SOX5: variants seen among roughly 807,000 people sequenced by gnomAD.
The protein encoded by SOX5 is transcription factor SOX-5.
SOX5 carries 9 observed loss-of-function variants against 92.0 expected under a neutral mutation model. The ratio of observed to expected loss-of-function variants is 0.10; its 90% confidence interval spans 0.06 to 0.17. The LOEUF (loss-of-function observed/expected upper bound fraction) is 0.17, where lower values mean the gene tolerates loss of function less well. SOX5 is among the 10% of genes least tolerant of loss of function. SOX5 has a pLI of 1.00. For missense variants in SOX5, 642 were observed against 944.5 expected (o/e 0.68, Z 4.20); for synonymous variants, 344 against 336.3 (o/e 1.02, Z -0.25).
chr12:24,517,378 A>G (rs1013398197), intron 1 of SOX5, among the ~76,000 whole-genome samples: 1 of 152,188 alleles, frequency 6.6e-6, no homozygotes, highest in South Asian at 2.1e-4. Flanking sequence ...CCACATCAAG[A>G]GGCACAGAGT....
intron 1 of SOX5, among the ~76,000 whole-genome samples, chr12:24,398,437 G>C (rs1960625033): frequency 6.6e-6 from 1 of 152,168 alleles, no homozygotes; most frequent in African/African-American, 2.4e-5. Context: ...CCAGGAGGCT[G>C]AGGCTACAGT....
At chr12:23,571,742 T>C (rs1378506382) in intron 10 of SOX5, among the ~76,000 whole-genome samples, 1 of 152,232 alleles carries the variant, frequency 6.6e-6, no homozygotes, top group Non-Finnish European at 1.5e-5. Flanking sequence ...TATAGAATCA[T>C]AGAACTGTCT....
At chr12:23,690,013 T>C (rs1437354111) in intron 6 of SOX5, among the ~76,000 whole-genome samples, 2 of 152,218 alleles carry the variant, frequency 1.3e-5, no homozygotes, top group African/African-American at 2.4e-5. Flanking sequence ...CTTTTCCATA[T>C]GGAATCTGCT....
intron 1 of SOX5, among the ~76,000 whole-genome samples, 188 bp downstream of exon 1, chr12:23,949,376 A>C (rs559882645): frequency 2.0e-5 from 3 of 152,122 alleles, no homozygotes; most frequent in Admixed American, 1.3e-4. Context: ...AATCTCGGAG[A>C]CTTTGCAAAT....
At chr12:24,258,447 G>T (rs894664659) in intron 3 of SOX5, among the ~76,000 whole-genome samples, 4 of 152,058 alleles carry the variant, frequency 2.6e-5, no homozygotes, top group African/African-American at 9.7e-5. Context: ...ATCACCATTG[G>T]CTAATAAAAC....
intron 2 of SOX5, among the ~76,000 whole-genome samples, chr12:24,334,318 T>G (rs11047375): frequency 0.051 from 7,719 of 152,126 alleles, 831 homozygotes; most frequent in East Asian, 0.49. Flanking sequence ...AGAATATATG[T>G]ATAATCAATG....
At chr12:23,927,386 CA>C (rs1367237503) in intron 1 of SOX5, among the ~76,000 whole-genome samples, 1 of 152,000 alleles carries the variant, frequency 6.6e-6, no homozygotes, top group East Asian at 1.9e-4. Flanking sequence ...TCCAACTTAA[CA>C]CCTCTTTCTC....
At chr12:23,790,378 T>C (rs2095449438) in intron 3 of SOX5, among the ~76,000 whole-genome samples, 1 of 152,058 alleles carries the variant, frequency 6.6e-6, no homozygotes, top group Non-Finnish European at 1.5e-5. Flanking sequence ...TTTTAGAAAA[T>C]AAAAATTCTG....
chr12:24,120,221 C>T (rs933422702), intron 4 of SOX5, among the ~76,000 whole-genome samples: 1 of 152,122 alleles, frequency 6.6e-6, no homozygotes, highest in Non-Finnish European at 1.5e-5. Flanking sequence ...CATTCATATG[C>T]TCAACTTTAG....
chr12:24,034,570 ATTT>A (rs34793688), intron 4 of SOX5, among the ~76,000 whole-genome samples: 185 of 144,128 alleles, frequency 1.3e-3, no homozygotes, highest in African/African-American at 4.4e-3. Context: ...GCTCGGGAGG[ATTT>A]TTTTTTTTTT....
chr12:24,343,893 G>A (rs560199231), intron 2 of SOX5, among the ~76,000 whole-genome samples: 3 of 152,254 alleles, frequency 2.0e-5, no homozygotes, highest in East Asian at 3.9e-4. Flanking sequence ...TTGTTAACTT[G>A]GGGAATTTTG....
chr12:23,577,498 C>T (rs1300057032), intron 9 of SOX5, among the ~76,000 whole-genome samples: 1 of 151,854 alleles, frequency 6.6e-6, no homozygotes, highest in Non-Finnish European at 1.5e-5. Flanking sequence ...GGCGCCTGGC[C>T]TCAAGTCTAT....
chr12:23,909,765 T>C (rs1258543607), intron 1 of SOX5, among the ~76,000 whole-genome samples: 1 of 152,020 alleles, frequency 6.6e-6, no homozygotes, highest in Non-Finnish European at 1.5e-5. Context: ...TAAAGAAGCC[T>C]TGATGGAGAA....
rs35450544 is a variant in SOX5, at chr12:23,715,809, C to CAAA, written c.810+18872_810+18874dup. On this transcript the variant is annotated intron_variant, in intron 6 of 14. Transcript: ENST00000451604. Reference sequence around the variant, plus strand: ...TTCTAAGGAAAGAGTAGTAATTTCCCAAAAAAAAAAAAAAAAAAAAAAAAC... The same window carrying CAAA: ...TTCTAAGGAAAGAGTAGTAATTTCCCAAAAAAAAAAAAAAAAAAAAAAAAAAAC... Among the ~76,000 whole-genome samples the CAAA allele has an allele frequency of 8.6e-3, 625 of 72,458 alleles. 5 individuals carry two copies. The highest frequency in any genetic ancestry group is 0.02 in the African/African-American group (409 of 20,108). The allele number at this position is 72,458 out of a possible 152,430, so 47.5% of individuals were successfully genotyped here.
chr12:24,022,155 G>A (rs916891256), intron 4 of SOX5, among the ~76,000 whole-genome samples: 1 of 152,116 alleles, frequency 6.6e-6, no homozygotes, highest in Non-Finnish European at 1.5e-5. Context: ...AACATCTCAC[G>A]TGTTATTTAG....
At chr12:23,589,126 C>T (rs1024383227) in intron 9 of SOX5, among the ~76,000 whole-genome samples, 1 of 150,544 alleles carries the variant, frequency 6.6e-6, no homozygotes, top group Non-Finnish European at 1.5e-5. Context: ...TATATCCATA[C>T]ATATAACATA....
At chr12:23,619,308 A>G (rs553279927) in intron 8 of SOX5, among the ~76,000 whole-genome samples, 1 of 152,202 alleles carries the variant, frequency 6.6e-6, no homozygotes. Flanking sequence ...TGAAGTTTAT[A>G]GAATGCTTAC....
At chr12:24,448,046 G>A (rs1941744843) in intron 1 of SOX5, among the ~76,000 whole-genome samples, 1 of 152,156 alleles carries the variant, frequency 6.6e-6, no homozygotes, top group Non-Finnish European at 1.5e-5. Flanking sequence ...CTGGGCATTG[G>A]TGGCATGTGC....
intron 4 of SOX5, among the ~76,000 whole-genome samples, chr12:23,966,425 TA>T (rs1947590125): frequency 6.6e-6 from 1 of 151,864 alleles, no homozygotes; most frequent in Non-Finnish European, 1.5e-5. Flanking sequence ...TAAGTTGATT[TA>T]AATGAAATGA....
Sources: gnomAD v4.1 joint callset for allele counts (sites outside exome capture counted in the v4.1 genomes callset) on GRCh38, gnomAD v4.1.1 for gene constraint, MANE v1.5 for transcripts, NCBI Gene and HGNC (gene_info 2026-07-23, HGNC 2026-07-21) for gene names.